Variants in HNRNPH1 observed in about 807,000 individuals in gnomAD.
The protein encoded by HNRNPH1 is heterogeneous nuclear ribonucleoprotein H.
In HNRNPH1, 4 loss-of-function variants were observed where a neutral mutation model predicts 58.6. The observed-to-expected ratio is 0.07, with a 90% CI of 0.03 to 0.16. HNRNPH1 has a LOEUF of 0.16. HNRNPH1 is among the 10% of genes least tolerant of loss of function. The pLI is 1.00. For missense variants in HNRNPH1, 271 were observed against 564.2 expected (o/e 0.48, Z 5.26); for synonymous variants, 192 against 189.2 (o/e 1.01, Z -0.12).
intron 2 of HNRNPH1, among the ~76,000 whole-genome samples, chr5:179,632,355 G>T (rs1379937190): frequency 6.6e-6 from 1 of 152,174 alleles, no homozygotes; most frequent in Non-Finnish European, 1.5e-5. Context: ...TTAGAGCCCG[G>T]GTATGGGGTA....
intron 2 of HNRNPH1, 86 bp downstream of exon 3, chr5:179,621,156 G>T (rs1274306885): frequency 6.7e-7 from 1 of 1,485,936 alleles, no homozygotes; most frequent in Non-Finnish European, 9.3e-7. Context: ...CCATTTCCAT[G>T]CAGTCAAATA....
chr5:179,617,305 G>T, intron 8 of HNRNPH1, 195 bp from the exon 10 acceptor site: 1 of 728,172 alleles, frequency 1.4e-6, no homozygotes, highest in Non-Finnish European at 2.2e-6. Flanking sequence ...TGTCAATTAA[G>T]GATATACACT....
At chr5:179,618,918 G>A (rs1771043258) in intron 4 of HNRNPH1, 1 of 165,626 alleles carries the variant, frequency 6.0e-6, no homozygotes. Flanking sequence ...TTAAAAACAA[G>A]ATCAGAAAGT....
At chr5:179,625,659 CA>C (rs372265224), upstream of HNRNPH1, among the ~76,000 whole-genome samples, 1,034 of 105,888 alleles carry the variant, frequency 9.8e-3, 5 homozygotes, top group African/African-American at 0.023. Context: ...AACTCCGTCT[CA>C]AAAAAAAAAA....
intron 2 of HNRNPH1, among the ~76,000 whole-genome samples, chr5:179,632,839 C>A (rs1331359196): frequency 5.5e-5 from 8 of 144,148 alleles, no homozygotes; most frequent in Admixed American, 5.2e-4. Context: ...ACAGCCCCAC[C>A]AAGCCCGGCG....
intron 2 of HNRNPH1, among the ~76,000 whole-genome samples, chr5:179,632,425 C>T (rs1164223397): frequency 6.6e-6 from 1 of 152,264 alleles, no homozygotes; most frequent in African/African-American, 2.4e-5. Context: ...GGGATCCCCG[C>T]GTCTCTCCGC....
exon 8 of HNRNPH1, chr5:179,617,623 T>C (rs1770426303): frequency 6.2e-7 from 1 of 1,614,112 alleles, no homozygotes; most frequent in Middle Eastern, 1.7e-4. Flanking sequence ...CAATGTGTAC[T>C]CTCACAGGGT....
intron 11 of HNRNPH1, 86 bp downstream of exon 12, chr5:179,616,040 C>G (rs4256313): frequency 0.25 from 296,110 of 1,169,166 alleles, 45,475 homozygotes; most frequent in East Asian, 0.63. Flanking sequence ...AGTACAGTAA[C>G]AGGCTTTACC....
chr5:179,633,076 C>T lies in HNRNPH1; in HGVS notation c.-32+989G>A, dbSNP rs193174620. Among the ~76,000 whole-genome samples, 108 of 151,924 alleles carry T rather than the reference C, an allele frequency of 7.1e-4. 1 individual carries two copies. Among genetic ancestry groups the T allele is most frequent in the Admixed American group, 3.5e-3 (54 of 15,242 alleles). On this transcript the variant is annotated intron_variant, in intron 2 of 4. Transcript: ENST00000521116. ...GTTTCACCATGTTGATCAAGATGAT[C>T]TCAATCTCTTGACCTCGTGATCCAC...
chr5:179,617,662 G>C lies in HNRNPH1; in HGVS notation c.922-13C>G. 3.1e-6 allele frequency: 5 copies of C among 1,609,106 alleles called. No individual in the cohort carries two copies. Among genetic ancestry groups the C allele is most frequent in the Non-Finnish European group, 4.2e-6 (5 of 1,177,902 alleles). ...GCGGTGAAAAAAACTACAACACAAG[G>C]CATTTCAAAGAATTCAACCAACTTT... is the stretch of plus-strand genomic sequence containing the variant. On this transcript the variant is annotated splice_polypyrimidine_tract_variant and intron_variant, in intron 7 of 12. Coordinates refer to ENST00000356731, the Ensembl canonical transcript of HNRNPH1.
intron 2 of HNRNPH1, among the ~76,000 whole-genome samples, chr5:179,632,386 G>A (rs528908722): frequency 6.6e-6 from 1 of 152,350 alleles, no homozygotes; most frequent in Non-Finnish European, 1.5e-5. Flanking sequence ...CCCCGCCGCG[G>A]CCAGGCAGCA....
chr5:179,617,983 C>G lies in HNRNPH1; in HGVS notation c.787+6G>C, dbSNP rs754699121. ...CTTCAACTGAGAAATTCAATTCTTA[C>G]CTTACCTCTTCCAAATCTATCTGAC... On this transcript the variant is annotated splice_donor_region_variant and intron_variant, in intron 6 of 12. Transcript: ENST00000356731. The G allele has an allele frequency of 6.2e-7, 1 of 1,614,032 alleles. No individual in the cohort carries two copies. The highest frequency in any genetic ancestry group is 2.2e-5 in the East Asian group (1 of 44,888).
At chr5:179,623,505 G>A (rs1162673352) in exon 1 of HNRNPH1, 1 of 176,604 alleles carries the variant, frequency 5.7e-6, no homozygotes, top group African/African-American at 2.4e-5. Flanking sequence ...AACCACTCGC[G>A]GCTCTCGACG....
upstream of HNRNPH1, among the ~76,000 whole-genome samples, chr5:179,626,353 C>T (rs373585190): frequency 1.4e-4 from 22 of 151,914 alleles, no homozygotes; most frequent in Admixed American, 9.2e-4. Flanking sequence ...GATCTGCCTG[C>T]CTCGGCCTCC....
chr5:179,616,974 A>G lies in HNRNPH1; in HGVS notation c.1118-16T>C. 1 of 1,569,200 alleles carries G rather than the reference A, an allele frequency of 6.4e-7. No homozygotes were observed. The highest frequency in any genetic ancestry group is 8.7e-7 in the Non-Finnish European group (1 of 1,154,330). On this transcript the variant is annotated splice_polypyrimidine_tract_variant and intron_variant, in intron 9 of 12. Coordinates refer to ENST00000356731, the Ensembl canonical transcript of HNRNPH1. Reference sequence around the variant, plus strand: ...TATCTGTGTTCTGAAATGAGAGAAAAGGCATACAAGGTTAGCTTAAAAAAA... The same window carrying G: ...TATCTGTGTTCTGAAATGAGAGAAAGGGCATACAAGGTTAGCTTAAAAAAA...
rs1442168515 is a variant in HNRNPH1 at position 179,617,577 on chromosome 5, C to T, written c.994G>A (p.Asp332Asn). The change falls in exon 8 of 13, where the codon GAT becomes AAT. Residue 332 changes from aspartate to asparagine, a missense_variant. Transcript: ENST00000356731. The stretch of plus-strand genomic sequence containing the variant: ...TCTTCATGAGTTGCGAACTCGACAT[C>T]TGCTTCACCAGTTACTCTGCCATCA... The T allele has an allele frequency of 1.9e-6, 3 of 1,614,144 alleles. No homozygotes were observed. The East Asian group carries it at 6.7e-5, about 36-fold the overall frequency.
chr5:179,632,134 G>A (rs527814416), intron 2 of HNRNPH1, among the ~76,000 whole-genome samples: 1 of 151,910 alleles, frequency 6.6e-6, no homozygotes, highest in African/African-American at 2.4e-5. Flanking sequence ...GTGAAACCCC[G>A]TCTCTACTAA....
upstream of HNRNPH1, among the ~76,000 whole-genome samples, chr5:179,624,969 T>G (rs1437114597): frequency 6.6e-6 from 1 of 152,138 alleles, no homozygotes; most frequent in Non-Finnish European, 1.5e-5. Flanking sequence ...GGCCTGATCT[T>G]CAAAGGCCAC....
At chr5:179,630,788 G>A (rs1185094720) in intron 2 of HNRNPH1, among the ~76,000 whole-genome samples, 1 of 151,916 alleles carries the variant, frequency 6.6e-6, no homozygotes, top group Admixed American at 6.6e-5. Flanking sequence ...ACGGGCGCCT[G>A]TAGTCCCAGC....
Sources: allele counts gnomAD v4.1 joint callset (sites outside exome capture counted in the v4.1 genomes callset), GRCh38; gene constraint gnomAD v4.1.1; transcripts MANE v1.5; gene names NCBI Gene and HGNC (gene_info 2026-07-23, HGNC 2026-07-21).